HIPK2: variants seen among roughly 807,000 people sequenced by gnomAD.
HIPK2 encodes the protein homeodomain interacting protein kinase 2, also known as homeodomain-interacting protein kinase 2.
HIPK2 carries 27 observed loss-of-function variants against 113.7 expected under a neutral mutation model. That is an observed-to-expected ratio of 0.24 (90% confidence interval 0.17 to 0.33). The LOEUF (loss-of-function observed/expected upper bound fraction) is 0.33. Among genes scored for constraint, HIPK2 ranks in the 10% least tolerant of loss-of-function variants. The pLI, the probability that HIPK2 is intolerant of heterozygous loss-of-function variation, is 1.00. For synonymous variants in HIPK2, 631 were observed against 642.2 expected (o/e 0.98, Z 0.26); for missense variants, 1,257 against 1,588.0 (o/e 0.79, Z 3.54).
chr7:139,612,890 C>T (rs772803214), intron 9 of HIPK2, among the ~76,000 whole-genome samples: 1 of 152,110 alleles, frequency 6.6e-6, no homozygotes, highest in Non-Finnish European at 1.5e-5. Flanking sequence ...AACTGACTTG[C>T]CTTAGGTCAT....
chr7:139,670,751 CTTTCTTTCTT>C (rs1311559088), intron 2 of HIPK2, among the ~76,000 whole-genome samples: 3,673 of 58,930 alleles, frequency 0.062, 121 homozygotes, highest in Admixed American at 0.16. Context: ...TTCTTTCTTT[CTTTCTTTCTT>C]TTTTTTTTTT....
At chr7:139,708,427 C>A (rs1794969649) in intron 2 of HIPK2, among the ~76,000 whole-genome samples, 1 of 152,064 alleles carries the variant, frequency 6.6e-6, no homozygotes, top group Non-Finnish European at 1.5e-5. Flanking sequence ...TGTCACCTGG[C>A]CCCCCACCCC....
intron 1 of HIPK2, among the ~76,000 whole-genome samples, chr7:139,745,948 T>C (rs1244500379): frequency 6.6e-6 from 1 of 152,192 alleles, no homozygotes; most frequent in Non-Finnish European, 1.5e-5. Flanking sequence ...AGGAGCTGGA[T>C]GACCTCGTGT....
intron 11 of HIPK2, among the ~76,000 whole-genome samples, chr7:139,598,728 A>T (rs1466986767): frequency 6.6e-6 from 1 of 152,234 alleles, no homozygotes; most frequent in African/African-American, 2.4e-5. Context: ...TTGGGAGGCT[A>T]AGGGTTCTTA....
At chr7:139,622,810 AG>A (rs1800279551) in intron 6 of HIPK2, among the ~76,000 whole-genome samples, 1 of 152,150 alleles carries the variant, frequency 6.6e-6, no homozygotes, top group South Asian at 2.1e-4. Flanking sequence ...TTTCCTTCTT[AG>A]GCTAATTTCT....
chr7:139,766,812 G>A (rs1202014313), intron 1 of HIPK2, among the ~76,000 whole-genome samples: 52 of 152,140 alleles, frequency 3.4e-4, no homozygotes, highest in Admixed American at 3.4e-3. Context: ...GTTAATAATA[G>A]TGTATTACTA....
At chr7:139,722,893 A>T (rs1200399055) in intron 1 of HIPK2, among the ~76,000 whole-genome samples, 3 of 151,084 alleles carry the variant, frequency 2.0e-5, no homozygotes, top group African/African-American at 7.3e-5. Context: ...ACAGGATCTC[A>T]CTCTCTGTTG....
Position 139,631,376 on chromosome 7 carries a change from A to G in HIPK2, c.1228-92T>C. ...TCTGCTGGCTTTGAGAAAAATGAAA[A>G]TGACAATTTTTGTAGGGAAAGAAGT... On this transcript the variant is annotated intron_variant, in intron 3 of 14. Coordinates refer to ENST00000406875, the MANE Select transcript of HIPK2 (RefSeq NM_022740.5). The surrounding 1 kb of genome is among the most constrained non-coding windows in gnomAD (Gnocchi z 4.9). 6.7e-7 allele frequency: 1 copy of G among 1,489,006 alleles called. No homozygotes were observed. Among genetic ancestry groups the G allele is most frequent in the Non-Finnish European group, 9.0e-7 (1 of 1,116,224 alleles). The allele number at this position is 1,489,006 out of a possible 1,614,324, so 92.2% of individuals were successfully genotyped here.
chr7:139,584,907 G>C (rs544461321), intron 12 of HIPK2, among the ~76,000 whole-genome samples: 2 of 152,328 alleles, frequency 1.3e-5, no homozygotes, highest in East Asian at 3.9e-4. Context: ...ACAATAGGGA[G>C]GCACTGGCTT....
At chr7:139,742,435 C>T (rs192943096) in intron 1 of HIPK2, among the ~76,000 whole-genome samples, 13 of 152,276 alleles carry the variant, frequency 8.5e-5, no homozygotes, top group African/African-American at 2.6e-4. Flanking sequence ...TATCGCAGTG[C>T]ACACCGTGGA....
chr7:139,661,441 C>A (rs1459239613), intron 2 of HIPK2, among the ~76,000 whole-genome samples: 2 of 152,182 alleles, frequency 1.3e-5, no homozygotes, highest in African/African-American at 4.8e-5. Flanking sequence ...AACATGGCAA[C>A]CTTTTACATA....
chr7:139,645,752 GT>G (rs1387708894), intron 2 of HIPK2, among the ~76,000 whole-genome samples: 1 of 152,150 alleles, frequency 6.6e-6, no homozygotes, highest in East Asian at 1.9e-4. Flanking sequence ...CTGAGGGTAT[GT>G]TTTTTACCCA....
intron 12 of HIPK2, among the ~76,000 whole-genome samples, chr7:139,586,334 A>T (rs1432910920): frequency 6.6e-6 from 1 of 152,184 alleles, no homozygotes; most frequent in Non-Finnish European, 1.5e-5. Context: ...GATTGGAAAC[A>T]GGTACTCAGA....
chr7:139,566,091 T>C lies in HIPK2; in HGVS notation c.*6836A>G, dbSNP rs925296940. ...GAATCAAAAGAAACTCTCCAGAGAT[T>C]TTCTCTAAAAATCAAACGAATTCTG... On this transcript the variant is annotated 3_prime_UTR_variant, in exon 15 of 15. Coordinates refer to ENST00000406875, the MANE Select transcript of HIPK2 (RefSeq NM_022740.5). The surrounding 1 kb of genome is among the most constrained non-coding windows in gnomAD (Gnocchi z 4.1). The C allele has an allele frequency of 1.3e-5, 2 of 152,150 alleles. No individual in the cohort carries two copies. The highest frequency in any genetic ancestry group is 3.8e-4 in the East Asian group (2 of 5,198). The allele number at this position is 152,150 out of a possible 1,614,324, so 9.4% of individuals were successfully genotyped here. A position where few individuals can be genotyped will look rare whatever the true frequency, so the allele number is the denominator to read the frequency against.
chr7:139,640,947 T>A (rs1800994377), intron 2 of HIPK2, among the ~76,000 whole-genome samples: 1 of 152,214 alleles, frequency 6.6e-6, no homozygotes, highest in South Asian at 2.1e-4. Context: ...TTCTTTCTGA[T>A]ATGGAACACT....
In HIPK2 at chr7:139,563,532, A is replaced by G. The variant is rs1798007488; in HGVS notation, c.*9395T>C. The stretch of plus-strand genomic sequence containing the variant: ...GGCAGAGCCCTTTTTCAGATACAAC[A>G]TACTTACTTTTCAAATGAACAAAAG... On this transcript the variant is annotated 3_prime_UTR_variant, in exon 15 of 15. Transcript: ENST00000406875. 3.8e-6 allele frequency: 1 copy of G among 263,970 alleles called. No individual in the cohort carries two copies. The highest frequency in any genetic ancestry group is 2.2e-5 in the African/African-American group (1 of 45,684). The allele number at this position is 263,970 out of a possible 1,614,324, so 16.4% of individuals were successfully genotyped here.
intron 1 of HIPK2, chr7:139,722,021 C>G (rs1378171359): frequency 2.1e-6 from 1 of 474,510 alleles, no homozygotes; most frequent in Non-Finnish European, 4.2e-6. Context: ...CCATACCACT[C>G]TGTCTCATAA....
chr7:139,620,465 G>A lies in HIPK2; in HGVS notation c.1718C>T (p.Ala573Val), dbSNP rs764723582. 8.1e-6 allele frequency: 13 copies of A among 1,613,924 alleles called. 1 individual carries two copies. In the South Asian group the frequency reaches 9.9e-5, roughly 12 times the overall value. Reference protein sequence around the residue: ...QSKTPFITHVAPSTSTNLTMT... With the variant: ...QSKTPFITHVVPSTSTNLTMT... ...GGTCAGGTTGGTGGACGTGCTGGGG[G>A]CCACGTGCGTGATGAAAGGGGTTTT... Residue 573 changes from alanine (A) to valine (V), a missense_variant, in exon 7 of 15, where the codon GCC (alanine) becomes GTC (valine). By Grantham distance (64) the Ala-to-Val change is moderately conservative (BLOSUM62 0). This residue lies in a region of HIPK2 where 862 missense variants were observed against 1,004.3 expected (regional missense o/e 0.86). Transcript: ENST00000406875.
chr7:139,581,641 G>A (rs1245434937), intron 13 of HIPK2, among the ~76,000 whole-genome samples: 2 of 152,200 alleles, frequency 1.3e-5, no homozygotes. Flanking sequence ...TGTAGCTGGG[G>A]GAGCTGTTAA....
Sources: gnomAD v4.1 joint callset for allele counts (sites outside exome capture counted in the v4.1 genomes callset) on GRCh38, gnomAD v4.1.1 for gene constraint, gnomAD v4.1.1 regional missense constraint, Gnocchi (gnomAD v3.1) non-coding constraint, MANE v1.5 for transcripts, NCBI Gene and HGNC (gene_info 2026-07-23, HGNC 2026-07-21) for gene names.